The following SEMA3A variants were observed in gnomAD, a reference collection of about 807,000 sequenced individuals.
SEMA3A encodes semaphorin-3A.
A neutral mutation model predicts 97.9 loss-of-function variants in SEMA3A; 29 were observed. The ratio of observed to expected loss-of-function variants is 0.30; its 90% CI spans 0.22 to 0.40. The LOEUF (loss-of-function observed/expected upper bound fraction) is 0.40, where lower values mean the gene tolerates loss of function less well. Among genes scored for constraint, SEMA3A ranks in the 10% least tolerant of loss-of-function variants. SEMA3A has a pLI of 1.00. For synonymous variants in SEMA3A, 321 were observed against 323.7 expected, an observed-to-expected ratio of 0.99 and a Z score of 0.09; for missense variants, 763 against 951.3, an observed-to-expected ratio of 0.80 and a Z score of 2.60.
intron 1 of SEMA3A, among the ~76,000 whole-genome samples, chr7:84,448,110 G>C (rs1805469087): frequency 6.6e-6 from 1 of 152,152 alleles, no homozygotes; most frequent in South Asian, 2.1e-4. Flanking sequence ...CTCACCCTTG[G>C]CAGGTGTGGG....
At chr7:84,374,362 C>A (rs973779216) in intron 1 of SEMA3A, among the ~76,000 whole-genome samples, 1 of 152,068 alleles carries the variant, frequency 6.6e-6, no homozygotes, top group Non-Finnish European at 1.5e-5. Context: ...GTATGTCCAT[C>A]GAAAAATATA....
At chr7:84,215,537 A>G (rs7791466) in intron 3 of SEMA3A, among the ~76,000 whole-genome samples, 151,134 of 152,334 alleles carry the variant, frequency 0.99, 74,980 homozygotes, top group East Asian at 1. Context: ...TGACAACTCA[A>G]TTTAAACCAG....
rs1254088758 is a variant in SEMA3A, at chr7:83,956,319, G to A, written c.*5052C>T. ...GAGTGAGGTAAGGCTGTAGGTAGGT[G>A]AAATGTAACAGAAACTTTCGTTTGA... On this transcript the variant is annotated 3_prime_UTR_variant, in exon 17 of 17. Transcript: ENST00000265362. The A allele has an allele frequency of 6.6e-6, 1 of 152,190 alleles. No homozygotes were observed. The highest frequency in any genetic ancestry group is 1.5e-5 in the Non-Finnish European group (1 of 68,026). 9.4% of individuals were successfully genotyped at this position (152,190 alleles called of 1,614,324 possible). A position where few individuals can be genotyped will look rare whatever the true frequency, so the allele number is the denominator to read the frequency against.
At chr7:84,285,766 C>G (rs552070894) in intron 3 of SEMA3A, among the ~76,000 whole-genome samples, 2 of 151,778 alleles carry the variant, frequency 1.3e-5, no homozygotes, top group Non-Finnish European at 2.9e-5. Context: ...CATAGTGAAA[C>G]CTAGTCTCTA....
At chr7:84,342,586 C>T (rs2115992178) in intron 2 of SEMA3A, among the ~76,000 whole-genome samples, 1 of 152,202 alleles carries the variant, frequency 6.6e-6, no homozygotes, top group Non-Finnish European at 1.5e-5. Context: ...TACTCGTGTG[C>T]ACACGTGTGT....
intron 1 of SEMA3A, among the ~76,000 whole-genome samples, chr7:84,454,987 G>C (rs951320762): frequency 6.6e-6 from 1 of 151,808 alleles, no homozygotes; most frequent in Non-Finnish European, 1.5e-5. Context: ...AAAATGAAAC[G>C]CTCTCAATGA....
At chr7:84,457,239 T>C (rs1188178956) in intron 1 of SEMA3A, among the ~76,000 whole-genome samples, 1 of 151,738 alleles carries the variant, frequency 6.6e-6, no homozygotes, top group African/African-American at 2.4e-5. Context: ...CAAGCACAAA[T>C]ATACTCTTAT....
intron 6 of SEMA3A, among the ~76,000 whole-genome samples, chr7:84,042,117 T>C (rs1193186730): frequency 6.6e-6 from 1 of 152,100 alleles, no homozygotes; most frequent in African/African-American, 2.4e-5. Flanking sequence ...TAAAAGCGCA[T>C]GTTGTGGAGA....
At chr7:84,077,434 T>TA (rs1195287776) in intron 4 of SEMA3A, among the ~76,000 whole-genome samples, 3 of 152,050 alleles carry the variant, frequency 2.0e-5, no homozygotes, top group Non-Finnish European at 4.4e-5. Context: ...AACCTAAATG[T>TA]AAATATGTCA....
At chr7:84,450,098 A>G (rs1002382648) in intron 1 of SEMA3A, among the ~76,000 whole-genome samples, 1 of 152,150 alleles carries the variant, frequency 6.6e-6, no homozygotes, top group African/African-American at 2.4e-5. Context: ...ATAAATATCC[A>G]AAAGTTGGAT....
chr7:84,055,701 G>A (rs1053725693), intron 5 of SEMA3A, among the ~76,000 whole-genome samples: 3 of 152,228 alleles, frequency 2.0e-5, no homozygotes, highest in Admixed American at 6.5e-5. Flanking sequence ...GATCGGAGCT[G>A]TTCCTATTCA....
At chr7:84,377,532 GTGTGGTGCCTCCAGCTT>G (rs533414505) in intron 1 of SEMA3A, among the ~76,000 whole-genome samples, 31 of 152,242 alleles carry the variant, frequency 2.0e-4, no homozygotes, top group African/African-American at 7.5e-4. Flanking sequence ...AAGTCAGGTA[GTGTGGTGCCTCCAGCTT>G]TGTTCTTTTT....
chr7:84,454,239 C>CT (rs1328633071), intron 1 of SEMA3A, among the ~76,000 whole-genome samples: 4 of 151,994 alleles, frequency 2.6e-5, no homozygotes, highest in Non-Finnish European at 5.9e-5. Flanking sequence ...TTTGTAATGG[C>CT]TTTTTTTAAA....
At chr7:84,488,775 G>A (rs918186432) in intron 1 of SEMA3A, among the ~76,000 whole-genome samples, 1 of 152,138 alleles carries the variant, frequency 6.6e-6, no homozygotes, top group Admixed American at 6.6e-5. Flanking sequence ...AACCTGAAGT[G>A]AGATCATATT....
At chr7:84,147,339 A>G (rs1011403957) in intron 1 of SEMA3A, among the ~76,000 whole-genome samples, 1 of 152,210 alleles carries the variant, frequency 6.6e-6, no homozygotes, top group African/African-American at 2.4e-5. Context: ...TTTATCCAAG[A>G]TATTTCTATC....
intron 1 of SEMA3A, among the ~76,000 whole-genome samples, chr7:84,462,370 A>T (rs900666897): frequency 1.3e-5 from 2 of 152,246 alleles, no homozygotes; most frequent in Non-Finnish European, 2.9e-5. Flanking sequence ...AATTTTACAT[A>T]TAACAACTGT....
intron 3 of SEMA3A, among the ~76,000 whole-genome samples, chr7:84,271,675 C>CACCAACT (rs1800156368): frequency 2.0e-5 from 3 of 151,982 alleles, no homozygotes; most frequent in Admixed American, 2.0e-4. Context: ...TTACATAAGC[C>CACCAACT]ACCAACTCTC....
chr7:84,472,140 T>C (rs1016625031), intron 1 of SEMA3A, among the ~76,000 whole-genome samples: 7 of 152,088 alleles, frequency 4.6e-5, no homozygotes, highest in African/African-American at 1.7e-4. Context: ...AGCAGGCATG[T>C]GTGAGTGTAT....
In SEMA3A at chr7:83,960,061, AAAGGT is replaced by A. The variant is rs1788407738; in HGVS notation, c.*1305_*1309del. 1 of 152,088 alleles carries A rather than the reference AAAGGT, an allele frequency of 6.6e-6. No individual in the cohort carries two copies. Among genetic ancestry groups the A allele is most frequent in the Admixed American group, 6.6e-5 (1 of 15,252 alleles). The allele number at this position is 152,088 out of a possible 1,614,324, so 9.4% of individuals were successfully genotyped here. On this transcript the variant is annotated 3_prime_UTR_variant, in exon 17 of 17. Coordinates refer to ENST00000265362, the MANE Select transcript of SEMA3A (RefSeq NM_006080.3). Reference sequence around the variant, plus strand: ...GTACAAATAATTGTCTTAAATAAGGAAAGGTAAGAGGCACCTGATACAGATGTAAA... The same window carrying A: ...GTACAAATAATTGTCTTAAATAAGGAAAGAGGCACCTGATACAGATGTAAA...
Sources: gnomAD v4.1 joint callset for allele counts (sites outside exome capture counted in the v4.1 genomes callset) on GRCh38, gnomAD v4.1.1 for gene constraint, MANE v1.5 for transcripts, NCBI Gene and HGNC (gene_info 2026-07-23, HGNC 2026-07-21) for gene names.